Variants in DIDO1 observed in about 807,000 individuals in gnomAD.
DIDO1 encodes death inducer-obliterator 1.
In DIDO1, 16 loss-of-function variants were observed where a neutral mutation model predicts 99.4. That is an observed-to-expected ratio of 0.16 (90% CI 0.11 to 0.24). The LOEUF (loss-of-function observed/expected upper bound fraction) is 0.24, where lower values mean the gene tolerates loss of function less well. Ranked by LOEUF, DIDO1 falls within the 10% of genes least tolerant of loss-of-function variation. The pLI, the probability that DIDO1 is intolerant of heterozygous loss-of-function variation, is 1.00. For missense variants in DIDO1, 2,996 were observed against 3,014.0 expected, an observed-to-expected ratio of 0.99 and a Z score of 0.14; for synonymous variants, 1,366 against 1,239.1, an observed-to-expected ratio of 1.10 and a Z score of -2.15.
At position 62,879,790 on chromosome 20, in the gene DIDO1, C is replaced by T. The variant is rs1307616272; in HGVS notation, c.6166G>A (p.Gly2056Arg). The stretch of plus-strand genomic sequence containing the variant: ...TGTCCGTCGGCCTCGGGGCCCTGTC[C>T]GGGCGCACTGGAGGAGAGCGCGGAG... ...PPSALSSSAP[G>R]QGPEADGQWA... Residue 2056 changes from glycine to arginine, a missense_variant, in exon 16 of 16, where the codon GGA (glycine) becomes AGA (arginine). By Grantham distance (125) the Gly-to-Arg change is moderately radical (BLOSUM62 -2). Transcript: ENST00000395343. This position sits in a 1 kb window ranked among gnomAD's most constrained non-coding sequence, Gnocchi z 6.3. 5.6e-6 allele frequency: 9 copies of T among 1,611,202 alleles called. No individual in the cohort carries two copies. Among genetic ancestry groups the T allele is most frequent in the Admixed American group, 3.3e-5 (2 of 59,998 alleles).
chr20:62,899,908 T>C (rs1201764488), intron 6 of DIDO1, among the ~76,000 whole-genome samples: 1 of 152,230 alleles, frequency 6.6e-6, no homozygotes, highest in African/African-American at 2.4e-5. Context: ...GTGCTCAACT[T>C]GGGTCAGCTG....
chr20:62,903,299 C>CA (rs1030147372), intron 6 of DIDO1, among the ~76,000 whole-genome samples: 7 of 152,204 alleles, frequency 4.6e-5, no homozygotes, highest in African/African-American at 1.7e-4. Flanking sequence ...CAGGAACCCC[C>CA]AGGTCAACCG....
chr20:62,909,930 A>G lies in DIDO1; in HGVS notation c.930T>C (p.Asn310=). ...SEARGRLLER[N]GEDYICPNCT... is the part of the protein sequence containing the mutation. The stretch of plus-strand genomic sequence containing the variant: ...AGTTTGGGCAGATATAGTCTTCCCC[A>G]TTCCTTTCCAAAAGCCTCCCTCGAG... The change falls in exon 4 of 16, where the codon AAT becomes AAC. Residue 310 remains asparagine, a synonymous_variant. Transcript: ENST00000395343. 1 of 1,614,090 alleles carries G rather than the reference A, an allele frequency of 6.2e-7. No individual in the cohort carries two copies. Among genetic ancestry groups the G allele is most frequent in the Non-Finnish European group, 8.5e-7 (1 of 1,180,026 alleles).
intron 15 of DIDO1, among the ~76,000 whole-genome samples, chr20:62,883,952 G>C (rs1397240211): frequency 2.6e-5 from 4 of 152,242 alleles, no homozygotes; most frequent in Admixed American, 2.0e-4. Flanking sequence ...GTTGCAGTGA[G>C]CCGAGATCGT....
chr20:62,922,866 A>G (rs1245399217), intron 1 of DIDO1, among the ~76,000 whole-genome samples: 1 of 152,248 alleles, frequency 6.6e-6, no homozygotes, highest in African/African-American at 2.4e-5. Flanking sequence ...GGAGTGCTTC[A>G]CGATGACCCA....
chr20:62,912,254 A>C (rs12480870), intron 2 of DIDO1, among the ~76,000 whole-genome samples: 27,630 of 152,146 alleles, frequency 0.18, 2,709 homozygotes, highest in East Asian at 0.28. Context: ...CCTGCTGCCA[A>C]GTGAATGACC....
Position 62,896,217 on chromosome 20 carries a change from G to A in DIDO1, c.2214+16C>T, listed in dbSNP as rs374944150. 1.9e-5 allele frequency: 31 copies of A among 1,609,736 alleles called. No individual in the cohort carries two copies. Among genetic ancestry groups the A allele is most frequent in the African/African-American group, 1.2e-4 (9 of 74,438 alleles). On this transcript the variant is annotated intron_variant, in intron 8 of 15. Transcript: ENST00000395343. The surrounding 1 kb of genome is among the most constrained non-coding windows in gnomAD (Gnocchi z 4.4). ...CAGAACAGGAATACTCCAATGCACC[G>A]ACACCAGGCACACACCTGATTTTTA...
At chr20:62,902,319 T>C (rs866014257) in intron 6 of DIDO1, among the ~76,000 whole-genome samples, 58 of 152,218 alleles carry the variant, frequency 3.8e-4, no homozygotes, top group African/African-American at 1.4e-3. Context: ...CTTCCAGTTA[T>C]ATGGATAACG....
At chr20:62,922,960 C>T (rs554158423) in intron 1 of DIDO1, among the ~76,000 whole-genome samples, 3 of 152,080 alleles carry the variant, frequency 2.0e-5, no homozygotes, top group East Asian at 3.9e-4. Context: ...AACTAACAGA[C>T]CAGTTTGAAA....
intron 6 of DIDO1, among the ~76,000 whole-genome samples, chr20:62,904,578 C>G (rs6011464): frequency 4.6e-5 from 7 of 151,974 alleles, no homozygotes; most frequent in Non-Finnish European, 1.0e-4. Context: ...GCCAGGAGTT[C>G]AAGACCAGCC....
At chr20:62,917,496 G>A (rs184620206) in intron 1 of DIDO1, among the ~76,000 whole-genome samples, 164 of 152,114 alleles carry the variant, frequency 1.1e-3, no homozygotes, top group African/African-American at 3.6e-3. Context: ...CACTCGTTTT[G>A]GACAAAACGC....
At chr20:62,898,760 T>C (rs2064594372) in intron 6 of DIDO1, among the ~76,000 whole-genome samples, 2 of 152,328 alleles carry the variant, frequency 1.3e-5, no homozygotes, top group South Asian at 2.1e-4. Flanking sequence ...CTATAAAAAA[T>C]GGCAACGTCT....
At chr20:62,890,893 C>A in intron 15 of DIDO1, 67 bp downstream of exon 15, 2 of 1,611,896 alleles carry the variant, frequency 1.2e-6, no homozygotes, top group Middle Eastern at 2.2e-4. Context: ...CTCAGCAGGG[C>A]ATGTCAGTGG....
chr20:62,881,248 T>C lies in DIDO1; in HGVS notation c.4708A>G (p.Thr1570Ala). ...PRQARRLATE[T>A]GEGEGEPLSR... is the part of the protein sequence containing the mutation. ...AGAGGCTCCCCCTCCCCCTCACCGG[T>C]CTCAGTGGCCAGGCGCCTCGCCTGC... Residue 1570 changes from threonine to alanine, a missense_variant, in exon 16 of 16, where the codon ACC becomes GCC. By Grantham distance (58) the Thr-to-Ala change is moderately conservative (BLOSUM62 0). Coordinates refer to ENST00000395343, the MANE Select transcript of DIDO1 (RefSeq NM_001193369.2). The surrounding 1 kb of genome is among the most constrained non-coding windows in gnomAD (Gnocchi z 8.3). 3 of 1,602,808 alleles carry C rather than the reference T, an allele frequency of 1.9e-6. No individual in the cohort carries two copies. Among genetic ancestry groups the C allele is most frequent in the Non-Finnish European group, 2.5e-6 (3 of 1,177,624 alleles).
intron 1 of DIDO1, among the ~76,000 whole-genome samples, chr20:62,918,681 T>C (rs1479128910): frequency 6.6e-6 from 1 of 152,198 alleles, no homozygotes; most frequent in African/African-American, 2.4e-5. Context: ...CAAAACAATT[T>C]TAACCCGCCA....
In DIDO1 at chr20:62,896,887, G is replaced by A. The variant is rs186823982; in HGVS notation, c.1698C>T (p.Leu566=). ...AVGKQPAPRN[L]VPKKSSFANV... is the part of the protein sequence containing the mutation. ...TAGCAAAAGAAGACTTCTTTGGCAC[G>A]AGGTTTCTAGGTGCAGGCTGCTTGC... Residue 566 remains leucine, a synonymous_variant, in exon 7 of 16, where the codon CTC becomes CTT. Coordinates refer to ENST00000395343, the MANE Select transcript of DIDO1 (RefSeq NM_001193369.2). The surrounding 1 kb of genome is among the most constrained non-coding windows in gnomAD (Gnocchi z 4.4). 68 of 1,614,020 alleles carry A rather than the reference G, an allele frequency of 4.2e-5. No individual in the cohort carries two copies. In the Admixed American group the frequency reaches 9.3e-4, roughly 22 times the overall value.
In DIDO1 at chr20:62,937,694, G is replaced by A. The variant is rs1004640461; in HGVS notation, c.-200+102C>T. On this transcript the variant is annotated intron_variant, in intron 1 of 15. Transcript: ENST00000266070. ...AGCCCTGGAAGGCCGCCGGTCGGGA[G>A]GGGACTCCCTCCCCGTCTGAGGGGC... is the stretch of plus-strand genomic sequence containing the variant. The A allele has an allele frequency of 8.1e-6, 3 of 371,122 alleles. No individual in the cohort carries two copies. The East Asian group carries it at 1.1e-4, about 14-fold the overall frequency. The allele number at this position is 371,122 out of a possible 1,614,324, so 23.0% of individuals were successfully genotyped here.
chr20:62,910,841 T>G lies in DIDO1; in HGVS notation c.772A>C (p.Lys258Gln), dbSNP rs138029097. 58 of 1,614,170 alleles carry G rather than the reference T, an allele frequency of 3.6e-5. No individual in the cohort carries two copies. The South Asian group carries it at 5.8e-4, about 16-fold the overall frequency. Residue 258 changes from lysine (K) to glutamine (Q), a missense_variant, in exon 3 of 16, where the codon AAG becomes CAG. Around this residue, in one of 5 missense-constraint regions of DIDO1, gnomAD observed 388 missense variants for 376.6 expected, o/e 1.03. Transcript: ENST00000395343. ...DEEPGDLGRP[K>Q]PECEGYDPNA... ...GGGTCGTAACCCTCACATTCAGGCTTCGGTCGGCCCAAGTCTCCAGGCTCC... is the reference window on the plus strand; with the variant it reads ...GGGTCGTAACCCTCACATTCAGGCTGCGGTCGGCCCAAGTCTCCAGGCTCC...
chr20:62,909,363 C>G (rs2064874661), intron 4 of DIDO1, among the ~76,000 whole-genome samples: 1 of 152,238 alleles, frequency 6.6e-6, no homozygotes, highest in African/African-American at 2.4e-5. Flanking sequence ...GCACCAGAAC[C>G]ACGAGGCAGC....
Sources: allele counts gnomAD v4.1 joint callset (sites outside exome capture counted in the v4.1 genomes callset), GRCh38; gene constraint gnomAD v4.1.1; regional missense constraint gnomAD v4.1.1; non-coding constraint Gnocchi (gnomAD v3.1); transcripts MANE v1.5; gene names NCBI Gene and HGNC (gene_info 2026-07-23, HGNC 2026-07-21).